The following MARK3 variants were observed in gnomAD, a reference collection of about 807,000 sequenced individuals.
MARK3 encodes MAP/microtubule affinity-regulating kinase 3.
A neutral mutation model predicts 90.1 loss-of-function variants in MARK3; 46 were observed. The ratio of observed to expected loss-of-function variants is 0.51; its 90% CI spans 0.40 to 0.65. The LOEUF is 0.65. Ranked by LOEUF, MARK3 falls within the 30% of genes least tolerant of loss-of-function variation. The probability of loss-of-function intolerance (pLI) is 0.00; values close to 1 mark genes in which losing one functional copy is unlikely to be tolerated. For missense variants in MARK3, 818 were observed against 947.2 expected, an observed-to-expected ratio of 0.86 and a Z score of 1.79; for synonymous variants, 321 against 332.6, an observed-to-expected ratio of 0.97 and a Z score of 0.38.
At chr14:103,437,256 C>T (rs543255461) in intron 3 of MARK3, among the ~76,000 whole-genome samples, 1 of 151,686 alleles carries the variant, frequency 6.6e-6, no homozygotes, top group Non-Finnish European at 1.5e-5. Flanking sequence ...ATAAATAATA[C>T]GGGTTGATAT....
intron 11 of MARK3, 102 bp from the exon 12 acceptor site, chr14:103,467,931 T>A: frequency 1.8e-6 from 2 of 1,142,330 alleles, no homozygotes; most frequent in South Asian, 3.5e-5. Context: ...TCTCTCTGAA[T>A]GAACGGTTTA....
At chr14:103,409,490 T>A (rs2091510568) in intron 2 of MARK3, among the ~76,000 whole-genome samples, 1 of 150,158 alleles carries the variant, frequency 6.7e-6, no homozygotes, top group Non-Finnish European at 1.5e-5. Flanking sequence ...CAAAATCATT[T>A]TACTCTTGTG....
chr14:103,469,729 C>T (rs1048360727), intron 12 of MARK3, among the ~76,000 whole-genome samples: 1 of 151,858 alleles, frequency 6.6e-6, no homozygotes, highest in African/African-American at 2.4e-5. Flanking sequence ...CTGGATTACA[C>T]GTGTGAGTCT....
chr14:103,467,096 G>A lies in MARK3; in HGVS notation c.1015G>A (p.Gly339Arg), dbSNP rs751743889. ...TCTTTTAGATATTATGGTGGGAATGGGATATTCACAAGAAGAAATTCAAGA... is the reference window on the plus strand; with the variant it reads ...TCTTTTAGATATTATGGTGGGAATGAGATATTCACAAGAAGAAATTCAAGA... ...QKRIDIMVGM[G>R]YSQEEIQESL... Residue 339 changes from glycine (G) to arginine (R), a missense_variant, in exon 11 of 18, where the codon GGA becomes AGA. This residue lies in a region of MARK3 where 560 missense variants were observed against 613.5 expected (regional missense o/e 0.91). Coordinates refer to ENST00000429436, the MANE Select transcript of MARK3 (RefSeq NM_001128918.3). The A allele has an allele frequency of 6.5e-7, 1 of 1,537,550 alleles. No individual in the cohort carries two copies. The highest frequency in any genetic ancestry group is 1.7e-5 in the Admixed American group (1 of 59,402).
At chr14:103,474,276 C>G (rs183333430) in intron 12 of MARK3, among the ~76,000 whole-genome samples, 4 of 152,170 alleles carry the variant, frequency 2.6e-5, no homozygotes, top group African/African-American at 9.7e-5. Flanking sequence ...GAGGCATATA[C>G]TAGTTATCAT....
chr14:103,401,131 T>G (rs2140598311), intron 1 of MARK3, among the ~76,000 whole-genome samples: 1 of 152,054 alleles, frequency 6.6e-6, no homozygotes, highest in South Asian at 2.1e-4. Context: ...TTTCTTAGGG[T>G]CGGTGATGGA....
chr14:103,435,935 G>T (rs1023771585), intron 3 of MARK3, among the ~76,000 whole-genome samples: 1 of 151,918 alleles, frequency 6.6e-6, no homozygotes, highest in Non-Finnish European at 1.5e-5. Context: ...CTGTTGGCCA[G>T]CCTGGAGTGC....
chr14:103,502,848 C>T (rs756868759), intron 17 of MARK3, 34 bp from the exon 18 acceptor site: 24 of 1,544,684 alleles, frequency 1.6e-5, no homozygotes, highest in Admixed American at 7.2e-5. Context: ...TTTTCCTGTA[C>T]GATTAAAAAT....
chr14:103,443,018 A>G (rs949194156), intron 3 of MARK3, among the ~76,000 whole-genome samples: 6 of 145,790 alleles, frequency 4.1e-5, no homozygotes, highest in African/African-American at 1.6e-4. Context: ...TGCCAGGGGG[A>G]AGGGAGAGAA....
rs34768749 is a variant in MARK3, at chr14:103,479,628, C to CTTTTTTTTTTTTTTTTTTTTTTTT, written c.1483-738_1483-737insTTTTTTTTTTTTTTTTTTTTTTTT. Among the ~76,000 whole-genome samples the CTTTTTTTTTTTTTTTTTTTTTTTT allele has an allele frequency of 2.6e-5, 2 of 78,238 alleles. 1 individual carries two copies. The highest frequency in any genetic ancestry group is 4.4e-5 in the Non-Finnish European group (2 of 45,202). The allele number at this position is 78,238 out of a possible 152,430, so 51.3% of individuals were successfully genotyped here. ...ATGTGTTTCTTGGCCATACGTATAG[C>CTTTTTTTTTTTTTTTTTTTTTTTT]TTTTTTTTTTTTTTTTTTTTTGAGA... On this transcript the variant is annotated intron_variant, in intron 13 of 17. Coordinates refer to ENST00000429436, the MANE Select transcript of MARK3 (RefSeq NM_001128918.3).
intron 6 of MARK3, among the ~76,000 whole-genome samples, chr14:103,461,816 C>T (rs923756629): frequency 6.6e-6 from 1 of 152,098 alleles, no homozygotes; most frequent in African/African-American, 2.4e-5. Context: ...ACTGGCGGAT[C>T]ACCTGAGGTC....
chr14:103,500,738 T>G (rs2075618792), intron 17 of MARK3, among the ~76,000 whole-genome samples: 1 of 151,802 alleles, frequency 6.6e-6, no homozygotes, highest in South Asian at 2.1e-4. Flanking sequence ...TCCTCCCACC[T>G]CAGCCTCCTG....
At chr14:103,411,282 A>C (rs908263240) in intron 2 of MARK3, among the ~76,000 whole-genome samples, 1 of 152,126 alleles carries the variant, frequency 6.6e-6, no homozygotes, top group Non-Finnish European at 1.5e-5. Context: ...TCGAAAAAAC[A>C]AACAAACAAA....
At chr14:103,474,434 A>G (rs1352558405) in intron 12 of MARK3, among the ~76,000 whole-genome samples, 7 of 150,288 alleles carry the variant, frequency 4.7e-5, no homozygotes, top group African/African-American at 1.5e-4. Flanking sequence ...AGGAATGACT[A>G]GTGACCTCCA....
At chr14:103,440,775 A>T (rs2092830315) in intron 3 of MARK3, among the ~76,000 whole-genome samples, 1 of 151,776 alleles carries the variant, frequency 6.6e-6, no homozygotes, top group African/African-American at 2.4e-5. Context: ...ATCTACAAAA[A>T]GATTTTTTTT....
chr14:103,402,029 A>G (rs1440872293), intron 1 of MARK3, among the ~76,000 whole-genome samples: 1 of 152,220 alleles, frequency 6.6e-6, no homozygotes, highest in Non-Finnish European at 1.5e-5. Context: ...GAGAGGAAGA[A>G]GAGATGAGCG....
chr14:103,461,837 GAC>G (rs752884075), intron 6 of MARK3, among the ~76,000 whole-genome samples: 1 of 152,100 alleles, frequency 6.6e-6, no homozygotes, highest in Non-Finnish European at 1.5e-5. Context: ...AGGAGTTCGA[GAC>G]CAGCCTGGCC....
At chr14:103,445,558 C>T (rs959566940) in intron 3 of MARK3, among the ~76,000 whole-genome samples, 17 of 152,234 alleles carry the variant, frequency 1.1e-4, no homozygotes, top group African/African-American at 4.1e-4. Flanking sequence ...AGTCTTCTAT[C>T]TGGTCCCATT....
intron 6 of MARK3, among the ~76,000 whole-genome samples, chr14:103,459,458 C>A (rs7153380): frequency 6.6e-6 from 1 of 152,154 alleles, no homozygotes; most frequent in Admixed American, 6.5e-5. Context: ...GGATACGCAT[C>A]ATATTGGTGT....
Sources: allele counts gnomAD v4.1 joint callset (sites outside exome capture counted in the v4.1 genomes callset), GRCh38; gene constraint gnomAD v4.1.1; regional missense constraint gnomAD v4.1.1; transcripts MANE v1.5; gene names NCBI Gene and HGNC (gene_info 2026-07-23, HGNC 2026-07-21).